PALS1: variants seen among roughly 807,000 people sequenced by gnomAD.
PALS1 encodes protein associated with LIN7 1, MAGUK p55 family member, also known as protein PALS1.
In PALS1, 31 loss-of-function variants were observed where a neutral mutation model predicts 78.9. The observed-to-expected ratio is 0.39, with a 90% CI of 0.30 to 0.53. The LOEUF (loss-of-function observed/expected upper bound fraction) is 0.53. Among genes scored for constraint, PALS1 ranks in the 20% least tolerant of loss-of-function variants. The probability of loss-of-function intolerance (pLI) is 0.67; values close to 1 mark genes in which losing one functional copy is unlikely to be tolerated. For missense variants in PALS1, 704 were observed against 826.5 expected, an observed-to-expected ratio of 0.85 and a Z score of 1.82; for synonymous variants, 276 against 270.9, an observed-to-expected ratio of 1.02 and a Z score of -0.18.
intron 1 of PALS1, among the ~76,000 whole-genome samples, chr14:67,263,717 A>G (rs998044860): frequency 1.3e-5 from 2 of 152,220 alleles, no homozygotes; most frequent in African/African-American, 4.8e-5. Context: ...TAAACTGATG[A>G]TAACTTTGAG....
intron 3 of PALS1, among the ~76,000 whole-genome samples, chr14:67,288,171 C>T (rs960054286): frequency 1.3e-5 from 2 of 152,140 alleles, no homozygotes; most frequent in Non-Finnish European, 2.9e-5. Flanking sequence ...CTTCCGCCTC[C>T]GAGGTTCAAG....
At chr14:67,313,142 C>T (rs12588388) in intron 9 of PALS1, among the ~76,000 whole-genome samples, 23,787 of 152,056 alleles carry the variant, frequency 0.16, 3,531 homozygotes, top group East Asian at 0.42. Context: ...AGGGCAGAAA[C>T]AGGATGCTCC....
At chr14:67,301,077 A>G (rs1014412537) in intron 4 of PALS1, among the ~76,000 whole-genome samples, 3 of 152,260 alleles carry the variant, frequency 2.0e-5, no homozygotes, top group African/African-American at 7.2e-5. Context: ...GGTAACTGTT[A>G]GGACAGTTTT....
At chr14:67,291,451 A>G (rs2084772623) in intron 3 of PALS1, among the ~76,000 whole-genome samples, 1 of 151,828 alleles carries the variant, frequency 6.6e-6, no homozygotes, top group South Asian at 2.1e-4. Flanking sequence ...TTCCCGGCTA[A>G]TTTTTGTATT....
intron 3 of PALS1, 127 bp downstream of exon 3, chr14:67,279,664 C>G (rs1454594475): frequency 1.9e-5 from 18 of 949,712 alleles, no homozygotes; most frequent in Non-Finnish European, 2.5e-5. Flanking sequence ...AGACCAAGAT[C>G]CTTTGTTTTC....
chr14:67,276,188 C>G (rs2084500931), intron 2 of PALS1, among the ~76,000 whole-genome samples: 1 of 144,858 alleles, frequency 6.9e-6, no homozygotes, highest in African/African-American at 2.7e-5. Context: ...ATTATTCTTA[C>G]TATTTTCAGG....
chr14:67,267,514 G>A (rs2084348090), intron 1 of PALS1, among the ~76,000 whole-genome samples: 1 of 151,670 alleles, frequency 6.6e-6, no homozygotes, highest in African/African-American at 2.4e-5. Context: ...GCCTCCCAAA[G>A]TGCTGGGATT....
At chr14:67,256,597 G>C (rs979507447) in intron 1 of PALS1, among the ~76,000 whole-genome samples, 8 of 151,878 alleles carry the variant, frequency 5.3e-5, no homozygotes, top group African/African-American at 1.9e-4. Context: ...GCCCAGGCTG[G>C]AGTGCAGTGG....
chr14:67,306,725 T>C (rs994425336), intron 8 of PALS1, among the ~76,000 whole-genome samples: 41 of 152,214 alleles, frequency 2.7e-4, no homozygotes, highest in African/African-American at 9.4e-4. Context: ...TTGCCAAGTT[T>C]TGTCAGACCT....
chr14:67,276,400 C>A (rs2084506527), intron 2 of PALS1, among the ~76,000 whole-genome samples: 1 of 152,134 alleles, frequency 6.6e-6, no homozygotes, highest in African/African-American at 2.4e-5. Context: ...TACTATCTGG[C>A]TAATTTTTAG....
At chr14:67,280,845 TTCC>T (rs2084594430) in intron 3 of PALS1, among the ~76,000 whole-genome samples, 1 of 113,278 alleles carries the variant, frequency 8.8e-6, no homozygotes, top group African/African-American at 4.3e-5. Context: ...CCTTCCTTCC[TTCC>T]TTCCTTCCCT....
intron 8 of PALS1, among the ~76,000 whole-genome samples, chr14:67,310,062 CTT>C (rs34930516): frequency 0.16 from 23,111 of 143,730 alleles, 3,349 homozygotes; most frequent in East Asian, 0.43. Context: ...TGCTCAAGCA[CTT>C]TTTTTTTTTT....
At chr14:67,299,398 C>A (rs576777254) in intron 4 of PALS1, among the ~76,000 whole-genome samples, 3 of 152,224 alleles carry the variant, frequency 2.0e-5, no homozygotes, top group Admixed American at 1.3e-4. Flanking sequence ...CATTCTTTTA[C>A]TTCCTTCCTT....
intron 3 of PALS1, among the ~76,000 whole-genome samples, chr14:67,288,149 C>T (rs908778368): frequency 6.6e-6 from 1 of 152,062 alleles, no homozygotes. Context: ...GTGCGATCTC[C>T]GCTCACTGCA....
rs2085502677 is a variant in PALS1, at chr14:67,334,638, T to G, written c.*1682T>G. On this transcript the variant is annotated 3_prime_UTR_variant, in exon 15 of 15. Transcript: ENST00000261681. ...TAAGTTGGCTGGAGAGTGTTTTATG[T>G]GGAAATATTTTCAAGATAATGTTCC... 1 of 152,564 alleles carries G rather than the reference T, an allele frequency of 6.6e-6. No individual in the cohort carries two copies. Among genetic ancestry groups the G allele is most frequent in the South Asian group, 2.1e-4 (1 of 4,836 alleles). 9.5% of individuals were successfully genotyped at this position (152,564 alleles called of 1,614,324 possible).
At chr14:67,249,589 A>G (rs2084036676) in intron 1 of PALS1, among the ~76,000 whole-genome samples, 1 of 152,238 alleles carries the variant, frequency 6.6e-6, no homozygotes, top group South Asian at 2.1e-4. Flanking sequence ...TTTGTAGTAT[A>G]TCTAATAAGT....
rs186873862 is a variant in PALS1 at position 67,322,454 on chromosome 14, C to T, written c.1740+1195C>T. Among the ~76,000 whole-genome samples, 14 of 152,288 alleles carry T rather than the reference C, an allele frequency of 9.2e-5. No individual in the cohort carries two copies. In the East Asian group the frequency reaches 1.9e-3, roughly 21 times the overall value. On this transcript the variant is annotated intron_variant, in intron 13 of 14. Transcript: ENST00000261681. ...TTGTAGACCATACAGCTTTAGCATA[C>T]GACTTTCCTTAATGTGGTAGAATCT...
chr14:67,243,690 T>G (rs2083940774), intron 1 of PALS1, among the ~76,000 whole-genome samples: 1 of 149,674 alleles, frequency 6.7e-6, no homozygotes, highest in South Asian at 2.1e-4. Context: ...TAGAGACGGG[T>G]TTTCACCGTG....
chr14:67,329,835 AAAATAAATAAATAAATAAATAAAT>A (rs199845948), intron 14 of PALS1, among the ~76,000 whole-genome samples: 2 of 96,956 alleles, frequency 2.1e-5, no homozygotes, highest in Non-Finnish European at 1.7e-5. Context: ...CTTGGTCTCA[AAAATAAATAAATAAATAAATAAAT>A]AAATAAATAA....
Sources: gnomAD v4.1 joint callset for allele counts (sites outside exome capture counted in the v4.1 genomes callset) on GRCh38, gnomAD v4.1.1 for gene constraint, MANE v1.5 for transcripts, NCBI Gene and HGNC (gene_info 2026-07-23, HGNC 2026-07-21) for gene names.